The following HEATR1 variants were observed in gnomAD, a reference collection of about 807,000 sequenced individuals.
HEATR1 encodes the protein HEAT repeat-containing protein 1.
HEATR1 carries 77 observed loss-of-function variants against 248.2 expected under a neutral mutation model. That is an observed-to-expected ratio of 0.31 (90% CI 0.26 to 0.37). The LOEUF (loss-of-function observed/expected upper bound fraction) is 0.37. Among genes scored for constraint, HEATR1 ranks in the 10% least tolerant of loss-of-function variants. The probability of loss-of-function intolerance (pLI) is 1.00; values close to 1 mark genes in which losing one functional copy is unlikely to be tolerated. For missense variants in HEATR1, 2,420 were observed against 2,504.9 expected, an observed-to-expected ratio of 0.97 and a Z score of 0.72; for synonymous variants, 897 against 923.1, an observed-to-expected ratio of 0.97 and a Z score of 0.51.
At chr1:236,551,386 C>T (rs1400807814) in intron 44 of HEATR1, 1 of 141,512 alleles carries the variant, frequency 7.1e-6, no homozygotes, top group Non-Finnish European at 1.5e-5. Context: ...ATAACATTTA[C>T]TGTTATTTCC....
In HEATR1 at chr1:236,599,508, C is replaced by T. The variant is rs1664259335; in HGVS notation, c.476G>A (p.Arg159Lys). ...QLLKINNSKH[R>K]WFWLLPVKQS... ...CTTAACTGGCAACAACCAGAACCAT[C>T]TGTGCTTTGAATTATTAATTTTTAG... Residue 159 changes from arginine to lysine, a missense_variant, in exon 4 of 45, where the codon AGA becomes AAA. Transcript: ENST00000366582. 1 of 1,613,706 alleles carries T rather than the reference C, an allele frequency of 6.2e-7. No homozygotes were observed. Among genetic ancestry groups the T allele is most frequent in the Non-Finnish European group, 8.5e-7 (1 of 1,179,794 alleles).
At chr1:236,602,295 C>T (rs546660210) in intron 3 of HEATR1, among the ~76,000 whole-genome samples, 1 of 152,332 alleles carries the variant, frequency 6.6e-6, no homozygotes, top group South Asian at 2.1e-4. Flanking sequence ...TGTATCCTAG[C>T]TCTGCCACTT....
chr1:236,574,567 T>C (rs1663515674), intron 23 of HEATR1, 94 bp downstream of exon 23: 17 of 1,410,132 alleles, frequency 1.2e-5, no homozygotes, highest in Admixed American at 2.3e-5. Context: ...CCAAATAAAA[T>C]ATTAATCTTT....
intron 36 of HEATR1, among the ~76,000 whole-genome samples, chr1:236,557,663 T>G (rs1572032492): frequency 6.6e-6 from 1 of 152,314 alleles, no homozygotes; most frequent in South Asian, 2.1e-4. Flanking sequence ...ACTGTCTCTG[T>G]TTTATAGACA....
chr1:236,598,798 C>G (rs912555058), intron 4 of HEATR1, among the ~76,000 whole-genome samples: 1 of 152,304 alleles, frequency 6.6e-6, no homozygotes, highest in South Asian at 2.1e-4. Context: ...GCCTCCCCCC[C>G]TACCCTGGAT....
At position 236,564,674 on chromosome 1, in the gene HEATR1, TA is replaced by T; in HGVS notation, c.4436-14del. 1 of 1,605,456 alleles carries T rather than the reference TA, an allele frequency of 6.2e-7. No homozygotes were observed. Among genetic ancestry groups the T allele is most frequent in the South Asian group, 1.1e-5 (1 of 90,162 alleles). On this transcript the variant is annotated splice_polypyrimidine_tract_variant and intron_variant, in intron 31 of 44. Coordinates refer to ENST00000366582, the MANE Select transcript of HEATR1 (RefSeq NM_018072.6). Reference sequence around the variant, plus strand: ...TTGGGAATGGTTTCTGAAACAGCAATAAAACAAGTGACCTTACTCATTTTCA... The same window carrying T: ...TTGGGAATGGTTTCTGAAACAGCAATAAACAAGTGACCTTACTCATTTTCA...
chr1:236,599,077 TCTTCAC>T (rs1244348240), intron 4 of HEATR1, among the ~76,000 whole-genome samples: 1 of 152,250 alleles, frequency 6.6e-6, no homozygotes, highest in Non-Finnish European at 1.5e-5. Flanking sequence ...TTTCTGCCTT[TCTTCAC>T]CTTCAACTTT....
chr1:236,578,683 A>G (rs1413036218), intron 20 of HEATR1, among the ~76,000 whole-genome samples: 2 of 152,192 alleles, frequency 1.3e-5, no homozygotes, highest in Non-Finnish European at 1.5e-5. Flanking sequence ...CTATTTGCGA[A>G]TATTTTCTTT....
chr1:236,592,620 C>A lies in HEATR1; in HGVS notation c.1207G>T (p.Glu403Ter). 7.3e-7 allele frequency: 1 copy of A among 1,362,818 alleles called. No homozygotes were observed. Among genetic ancestry groups the A allele is most frequent in the South Asian group, 1.3e-5 (1 of 79,482 alleles). 84.4% of individuals were successfully genotyped at this position (1,362,818 alleles called of 1,614,324 possible). A position where few individuals can be genotyped will look rare whatever the true frequency, so the allele number is the denominator to read the frequency against. ...DHLLASLLFEEYISYSSQEEM... is the reference protein window; with the variant it reads ...DHLLASLLFE ...TCCTGTGAACTATATGAAATATACT[C>A]TTCAAATAGAAGGCTGTAAAAAAAA... is the stretch of plus-strand genomic sequence containing the variant. The change falls in exon 10 of 45, where the codon GAG becomes TAG. Residue 403 changes from glutamate (E) to a stop codon, truncating the protein, a stop_gained. Coordinates refer to ENST00000366582, the MANE Select transcript of HEATR1 (RefSeq NM_018072.6). LOFTEE classifies it high-confidence loss of function.
chr1:236,572,958 C>A (rs1029585986), intron 24 of HEATR1, 130 bp from the exon 25 acceptor site: 2 of 745,338 alleles, frequency 2.7e-6, no homozygotes, highest in Non-Finnish European at 4.4e-6. Context: ...TGCATCTGAA[C>A]CCCCCCCAGC....
chr1:236,551,982 A>T lies in HEATR1; in HGVS notation c.6346+17T>A. ...ATTCCTTAATTGTTTAATGGTTGGG[A>T]ATAGTTTGGGAATTACCTTCCATCA... On this transcript the variant is annotated intron_variant, in intron 44 of 44. Transcript: ENST00000366582. 1.4e-6 allele frequency: 2 copies of T among 1,458,810 alleles called. No homozygotes were observed. Among genetic ancestry groups the T allele is most frequent in the Non-Finnish European group, 9.6e-7 (1 of 1,040,870 alleles). The allele number at this position is 1,458,810 out of a possible 1,614,324, so 90.4% of individuals were successfully genotyped here. A position where few individuals can be genotyped will look rare whatever the true frequency, so the allele number is the denominator to read the frequency against.
At chr1:236,568,364 G>A (rs866162299) in intron 29 of HEATR1, among the ~76,000 whole-genome samples, 1 of 152,194 alleles carries the variant, frequency 6.6e-6, no homozygotes, top group Non-Finnish European at 1.5e-5. Flanking sequence ...TTAAAAGAAG[G>A]TGCTGAATAT....
rs1281646768 is a variant in HEATR1 at position 236,551,045 on chromosome 1, G to A, written c.6347-55C>T. On this transcript the variant is annotated intron_variant, in intron 44 of 44. Transcript: ENST00000366582. Reference sequence around the variant, plus strand: ...AAATCTGAGTCAGTCCGCCTGCCTCGGTTCTCATTAGTTTAATTCTTAATG... The same window carrying A: ...AAATCTGAGTCAGTCCGCCTGCCTCAGTTCTCATTAGTTTAATTCTTAATG... The A allele has an allele frequency of 5.9e-6, 8 of 1,347,516 alleles. No individual in the cohort carries two copies. In the African/African-American group the frequency reaches 7.5e-5, roughly 13 times the overall value. 83.5% of individuals were successfully genotyped at this position (1,347,516 alleles called of 1,614,324 possible).
chr1:236,586,001 G>C, intron 15 of HEATR1, 60 bp from the exon 16 acceptor site: 1 of 1,579,694 alleles, frequency 6.3e-7, no homozygotes, highest in Non-Finnish European at 8.7e-7. Context: ...AGAATCACAT[G>C]AAGAATTCAG....
Position 236,567,528 on chromosome 1 carries a change from T to C in HEATR1, c.4078-652A>G, listed in dbSNP as rs555019360. On this transcript the variant is annotated intron_variant, in intron 29 of 44. Coordinates refer to ENST00000366582, the MANE Select transcript of HEATR1 (RefSeq NM_018072.6). ...GAGTTCAAGACCAGCCAGGCCAACA[T>C]GGTTAAACCCATCTCTACTAAAAAT... 2.0e-5 allele frequency among the ~76,000 whole-genome samples: 3 copies of C among 152,300 alleles called. No individual in the cohort carries two copies. In the South Asian group the frequency reaches 6.2e-4, roughly 32 times the overall value.
intron 9 of HEATR1, among the ~76,000 whole-genome samples, chr1:236,593,471 C>T (rs995028106): frequency 5.9e-5 from 9 of 151,640 alleles, no homozygotes; most frequent in Admixed American, 4.6e-4. Context: ...AAAGCTACAT[C>T]CAGACTAACC....
At chr1:236,602,672 C>T (rs575879808) in intron 3 of HEATR1, among the ~76,000 whole-genome samples, 7 of 152,290 alleles carry the variant, frequency 4.6e-5, no homozygotes, top group African/African-American at 1.4e-4. Context: ...CACCTGTAAT[C>T]CCAGTATTTT....
At chr1:236,582,418 T>C (rs1258626651) in intron 19 of HEATR1, among the ~76,000 whole-genome samples, 1 of 131,514 alleles carries the variant, frequency 7.6e-6, no homozygotes, top group East Asian at 2.3e-4. Context: ...TCTTTTTTTT[T>C]TGAGACAGAG....
chr1:236,553,752 A>G lies in HEATR1; in HGVS notation c.6079-13T>C, dbSNP rs777516986. On this transcript the variant is annotated splice_polypyrimidine_tract_variant and intron_variant, in intron 42 of 44. Transcript: ENST00000366582. ...GCCTGTTTTCCAGCTAGGAAGAGTA[A>G]GACAAAGACTTTGAACAACAAGTCT... 1 of 1,596,914 alleles carries G rather than the reference A, an allele frequency of 6.3e-7. No individual in the cohort carries two copies. The highest frequency in any genetic ancestry group is 1.3e-5 in the African/African-American group (1 of 74,078).
Sources: gnomAD v4.1 joint callset for allele counts (sites outside exome capture counted in the v4.1 genomes callset) on GRCh38, gnomAD v4.1.1 for gene constraint, MANE v1.5 for transcripts, NCBI Gene and HGNC (gene_info 2026-07-23, HGNC 2026-07-21) for gene names.